FGD3: variants seen among roughly 807,000 people sequenced by gnomAD.
FGD3 encodes the protein FYVE, RhoGEF and PH domain containing 3.
FGD3 carries 45 observed loss-of-function variants against 71.8 expected under a neutral mutation model. The ratio of observed to expected loss-of-function variants is 0.63; its 90% CI spans 0.49 to 0.80. The LOEUF is 0.80. Ranked by LOEUF, FGD3 falls within the 30% of genes least tolerant of loss-of-function variation. The pLI is 0.00. For missense variants in FGD3, 844 were observed against 951.5 expected, an observed-to-expected ratio of 0.89 and a Z score of 1.49; for synonymous variants, 378 against 392.8, an observed-to-expected ratio of 0.96 and a Z score of 0.44.
intron 14 of FGD3, among the ~76,000 whole-genome samples, chr9:93,025,198 G>T (rs906858657): frequency 6.6e-6 from 1 of 152,242 alleles, no homozygotes; most frequent in Non-Finnish European, 1.5e-5. Context: ...GCTGCCTCAG[G>T]TTCTGCAGCA....
At chr9:92,970,880 C>T (rs933145977) in intron 1 of FGD3, among the ~76,000 whole-genome samples, 7 of 152,250 alleles carry the variant, frequency 4.6e-5, no homozygotes, top group African/African-American at 1.7e-4. Context: ...TGGCAAAAGC[C>T]TTTGGCCGCA....
At chr9:92,981,698 C>T (rs1587828887) in intron 3 of FGD3, among the ~76,000 whole-genome samples, 1 of 150,664 alleles carries the variant, frequency 6.6e-6, no homozygotes, top group Non-Finnish European at 1.5e-5. Context: ...GCCAAAGTTT[C>T]CTTCATATAT....
chr9:92,952,828 T>C (rs949301233), intron 1 of FGD3, among the ~76,000 whole-genome samples: 2 of 152,124 alleles, frequency 1.3e-5, no homozygotes, highest in Non-Finnish European at 2.9e-5. Flanking sequence ...TGCCTCCAGT[T>C]CTAAGCTTTC....
intron 13 of FGD3, among the ~76,000 whole-genome samples, chr9:93,021,450 C>T (rs1230245246): frequency 2.6e-5 from 4 of 152,118 alleles, no homozygotes; most frequent in Admixed American, 6.5e-5. Flanking sequence ...GTGAGGAGGC[C>T]GATCTCTGCC....
chr9:92,979,303 G>A, intron 3 of FGD3, among the ~76,000 whole-genome samples: 1 of 152,230 alleles, frequency 6.6e-6, no homozygotes, highest in East Asian at 1.9e-4. Context: ...TTTGTTGAGT[G>A]TTTTTTATCA....
intron 1 of FGD3, among the ~76,000 whole-genome samples, chr9:92,949,817 C>T (rs1014476255): frequency 6.6e-6 from 1 of 152,128 alleles, no homozygotes; most frequent in Admixed American, 6.6e-5. Context: ...GGTGGGGCTC[C>T]CTTCTCCCAC....
chr9:93,010,609 A>AACAG (rs747936388), intron 7 of FGD3, among the ~76,000 whole-genome samples: 14 of 133,262 alleles, frequency 1.1e-4, no homozygotes, highest in South Asian at 2.4e-4. Flanking sequence ...GGGAGGGAGA[A>AACAG]ACAGAGGGGA....
chr9:93,001,017 C>T (rs963715864), intron 3 of FGD3, among the ~76,000 whole-genome samples: 1 of 151,958 alleles, frequency 6.6e-6, no homozygotes, highest in East Asian at 1.9e-4. Context: ...TTCAAATGAC[C>T]TCTCTTCAGG....
intron 16 of FGD3, chr9:93,034,293 A>G: frequency 2.1e-6 from 1 of 467,276 alleles, no homozygotes; most frequent in East Asian, 3.6e-5. Flanking sequence ...GACCCAGCAT[A>G]TGGATGCCCT....
chr9:92,966,979 G>A (rs1310148995), intron 1 of FGD3, among the ~76,000 whole-genome samples: 1 of 150,488 alleles, frequency 6.6e-6, no homozygotes, highest in Non-Finnish European at 1.5e-5. Flanking sequence ...TTTTTTGGGG[G>A]GGGATGGAGT....
rs759407069 is a variant in FGD3 at position 92,969,191 on chromosome 9, G to A, written c.-217-6047G>A. 4.6e-5 allele frequency among the ~76,000 whole-genome samples: 7 copies of A among 152,204 alleles called. No individual in the cohort carries two copies. Among genetic ancestry groups the A allele is most frequent in the African/African-American group, 7.2e-5 (3 of 41,454 alleles). On this transcript the variant is annotated intron_variant, in intron 1 of 17. Coordinates refer to ENST00000375482, the MANE Select transcript of FGD3 (RefSeq NM_001083536.2). This position sits in a 1 kb window ranked among gnomAD's most constrained non-coding sequence, Gnocchi z 4.5. The stretch of plus-strand genomic sequence containing the variant: ...TGATTCTGGGCCACCCGGGTGCAGC[G>A]GGCGGCTCTTGCCCACAGGGCTGGG...
chr9:93,007,975 G>A (rs892354946), intron 6 of FGD3, among the ~76,000 whole-genome samples: 2 of 152,160 alleles, frequency 1.3e-5, no homozygotes, highest in Non-Finnish European at 2.9e-5. Flanking sequence ...AAACAGGATC[G>A]CATGACAGTC....
intron 17 of FGD3, among the ~76,000 whole-genome samples, chr9:93,035,072 A>G (rs1226113925): frequency 6.6e-6 from 1 of 152,152 alleles, no homozygotes; most frequent in Non-Finnish European, 1.5e-5. Flanking sequence ...CAGCCCAAAG[A>G]AGGCCATGGA....
chr9:92,949,805 G>A (rs1858920710), intron 1 of FGD3, among the ~76,000 whole-genome samples: 1 of 152,160 alleles, frequency 6.6e-6, no homozygotes, highest in Non-Finnish European at 1.5e-5. Context: ...GTGCCAGTGA[G>A]GGGTGGGGCT....
At chr9:93,024,760 G>T (rs1034105078) in intron 14 of FGD3, among the ~76,000 whole-genome samples, 1 of 152,276 alleles carries the variant, frequency 6.6e-6, no homozygotes, top group Non-Finnish European at 1.5e-5. Flanking sequence ...TCCACACAGG[G>T]CGTCTGAGTG....
chr9:93,032,751 G>C lies in FGD3; in HGVS notation c.1681-18G>C, dbSNP rs773729841. 6.2e-7 allele frequency: 1 copy of C among 1,612,816 alleles called. No individual in the cohort carries two copies. Among genetic ancestry groups the C allele is most frequent in the East Asian group, 2.2e-5 (1 of 44,874 alleles). On this transcript the variant is annotated intron_variant, in intron 15 of 17. Transcript: ENST00000375482. ...CTGTCCCAGGGTGCTGGGGTCACAC[G>C]TGCCCTCTGTTTGGCAGGTCATCTG...
chr9:92,955,259 G>C (rs1244640872), intron 1 of FGD3, among the ~76,000 whole-genome samples: 1 of 152,156 alleles, frequency 6.6e-6, no homozygotes, highest in African/African-American at 2.4e-5. Flanking sequence ...GGATGGCCAG[G>C]CACGGTGGCT....
chr9:92,962,569 C>T (rs1859189357), intron 1 of FGD3, among the ~76,000 whole-genome samples: 1 of 152,228 alleles, frequency 6.6e-6, no homozygotes, highest in Non-Finnish European at 1.5e-5. Context: ...ATAGGCAAAG[C>T]CCTCATTTCT....
chr9:92,950,910 G>A (rs750739292), intron 1 of FGD3, among the ~76,000 whole-genome samples: 9 of 152,190 alleles, frequency 5.9e-5, no homozygotes, highest in Non-Finnish European at 1.2e-4. Context: ...GTTGTGCCAC[G>A]TCCCCTGCGT....
Sources: gnomAD v4.1 joint callset for allele counts (sites outside exome capture counted in the v4.1 genomes callset) on GRCh38, gnomAD v4.1.1 for gene constraint, Gnocchi (gnomAD v3.1) non-coding constraint, MANE v1.5 for transcripts, NCBI Gene and HGNC (gene_info 2026-07-23, HGNC 2026-07-21) for gene names.